FBXL13: variants seen among roughly 807,000 people sequenced by gnomAD.
The protein encoded by FBXL13 is F-box and leucine rich repeat protein 13.
FBXL13 carries 67 observed loss-of-function variants against 83.6 expected under a neutral mutation model. The ratio of observed to expected loss-of-function variants is 0.80; its 90% CI spans 0.66 to 0.98. The LOEUF is 0.98. Ranked by LOEUF, FBXL13 falls within the 50% of genes least tolerant of loss-of-function variation. FBXL13 has a pLI of 0.00. For synonymous variants in FBXL13, 272 were observed against 299.5 expected (o/e 0.91, Z 0.95); for missense variants, 822 against 866.5 (o/e 0.95, Z 0.64).
chr7:103,074,642 C>G, upstream of FBXL13: 1 of 1,274,232 alleles, frequency 7.8e-7, no homozygotes, highest in Middle Eastern at 2.1e-4. Flanking sequence ...CTGACTCCTC[C>G]CCCTTCTAAC....
chr7:102,917,003 T>C (rs1382106548), intron 10 of FBXL13, among the ~76,000 whole-genome samples: 1 of 152,148 alleles, frequency 6.6e-6, no homozygotes, highest in Non-Finnish European at 1.5e-5. Context: ...AAAGTATGTA[T>C]TTAAATAAAA....
At chr7:102,883,504 A>T in intron 13 of FBXL13, 37 bp from the exon 15 acceptor site, 1 of 1,595,768 alleles carries the variant, frequency 6.3e-7, no homozygotes, top group Non-Finnish European at 8.6e-7. Flanking sequence ...CAAGTATTGT[A>T]TTTAGAATGC....
At chr7:102,927,284 G>A (rs1172446101) in intron 9 of FBXL13, among the ~76,000 whole-genome samples, 2 of 152,160 alleles carry the variant, frequency 1.3e-5, no homozygotes, top group African/African-American at 4.8e-5. Context: ...TATTAGTGGT[G>A]CATGCAATGT....
At chr7:103,064,283 G>A (rs1585631339) in intron 1 of FBXL13, among the ~76,000 whole-genome samples, 1 of 152,228 alleles carries the variant, frequency 6.6e-6, no homozygotes, top group East Asian at 1.9e-4. Flanking sequence ...TGCACCGGTT[G>A]TTGCAAGCCA....
At chr7:102,831,510 C>T (rs1177302978) in intron 18 of FBXL13, among the ~76,000 whole-genome samples, 3 of 151,896 alleles carry the variant, frequency 2.0e-5, no homozygotes, top group Non-Finnish European at 2.9e-5. Flanking sequence ...AATAAATCTC[C>T]AGGCTTCTGT....
At chr7:102,944,239 G>C in intron 8 of FBXL13, 1 of 1,610,726 alleles carries the variant, frequency 6.2e-7, no homozygotes, top group Non-Finnish European at 8.5e-7. Flanking sequence ...ACATTTAGAA[G>C]AATTAGATTT....
rs116148908 is a variant in FBXL13, at chr7:102,935,079, T to G, written c.725-3146A>C. On this transcript the variant is annotated intron_variant, in intron 8 of 19. Transcript: ENST00000313221. The stretch of plus-strand genomic sequence containing the variant: ...CACCGATTAAAGCCAAAACATGGTG[T>G]GCATCTGTGAGAAGATCACCTCAAA... Among the ~76,000 whole-genome samples, 568 of 152,238 alleles carry G rather than the reference T, an allele frequency of 3.7e-3. 5 individuals are homozygous for G. Among genetic ancestry groups the G allele is most frequent in the African/African-American group, 0.014 (561 of 41,538 alleles).
chr7:102,848,941 A>C (rs1804676081), intron 17 of FBXL13, among the ~76,000 whole-genome samples: 1 of 152,152 alleles, frequency 6.6e-6, no homozygotes, highest in Admixed American at 6.5e-5. Context: ...CGGAGGTTGC[A>C]GTGAGTCGAG....
At chr7:103,064,954 T>C (rs909292977) in intron 1 of FBXL13, among the ~76,000 whole-genome samples, 1 of 152,196 alleles carries the variant, frequency 6.6e-6, no homozygotes, top group Non-Finnish European at 1.5e-5. Flanking sequence ...CAAAAGAAGA[T>C]ATCATCTTAA....
intron 6 of FBXL13, among the ~76,000 whole-genome samples, chr7:103,012,299 C>G (rs752074461): frequency 1.3e-5 from 2 of 150,888 alleles, no homozygotes; most frequent in African/African-American, 4.9e-5. Context: ...CGCTTGAACC[C>G]AGGAGGCGGA....
intron 6 of FBXL13, among the ~76,000 whole-genome samples, chr7:103,001,635 G>A (rs1403302481): frequency 6.6e-6 from 1 of 152,222 alleles, no homozygotes; most frequent in East Asian, 1.9e-4. Flanking sequence ...CAGGCAGAAG[G>A]AGGTGGGATA....
chr7:102,831,768 T>C (rs1195236155), intron 18 of FBXL13, among the ~76,000 whole-genome samples: 1 of 152,162 alleles, frequency 6.6e-6, no homozygotes, highest in Non-Finnish European at 1.5e-5. Flanking sequence ...GTCCATCTAT[T>C]TTCAAGCTTC....
chr7:102,839,881 T>C (rs1033979300), intron 17 of FBXL13, among the ~76,000 whole-genome samples: 1 of 152,022 alleles, frequency 6.6e-6, no homozygotes, highest in Non-Finnish European at 1.5e-5. Context: ...AAAAAATAAA[T>C]CTGACATTTC....
intron 16 of FBXL13, among the ~76,000 whole-genome samples, chr7:102,870,761 T>C (rs891862660): frequency 2.0e-5 from 3 of 151,986 alleles, no homozygotes; most frequent in Non-Finnish European, 4.4e-5. Context: ...CTTTCAAATT[T>C]TGGTCATAGC....
At chr7:103,005,192 A>G (rs186865884) in intron 6 of FBXL13, among the ~76,000 whole-genome samples, 7 of 152,382 alleles carry the variant, frequency 4.6e-5, no homozygotes, top group African/African-American at 1.4e-4. Flanking sequence ...CAGAAATTAA[A>G]TAAAAGCATC....
chr7:102,834,886 G>A (rs983136294), intron 17 of FBXL13, among the ~76,000 whole-genome samples: 1 of 142,512 alleles, frequency 7.0e-6, no homozygotes, highest in Non-Finnish European at 1.5e-5. Context: ...CAATGTGTGT[G>A]TGTGTGTGTG....
intron 18 of FBXL13, among the ~76,000 whole-genome samples, chr7:102,831,432 C>A (rs62484941): frequency 6.9e-6 from 1 of 145,700 alleles, no homozygotes; most frequent in South Asian, 2.1e-4. Context: ...CACACACACA[C>A]CCCACTACAG....
Position 102,883,587 on chromosome 7 carries a change from GAGTTTAC to G in FBXL13, c.1199_1205del (p.Cys400SerfsTer20), listed in dbSNP as rs1288776210. 5 of 1,609,642 alleles carry G rather than the reference GAGTTTAC, an allele frequency of 3.1e-6. No homozygotes were observed. Among genetic ancestry groups the G allele is most frequent in the African/African-American group, 1.3e-5 (1 of 74,778 alleles). On this transcript the variant is annotated frameshift_variant, in exon 13 of 20. Coordinates refer to ENST00000313221, the Ensembl canonical transcript of FBXL13. LOFTEE classifies it high-confidence loss of function. The stretch of plus-strand genomic sequence containing the variant: ...ACAGACCTTCAAATCGGATCTTTCT[GAGTTTAC>G]AAGCAGAAAGAGCTCTGAAAGTACA...
chr7:102,841,935 C>A (rs1803010130), intron 17 of FBXL13, among the ~76,000 whole-genome samples: 1 of 152,132 alleles, frequency 6.6e-6, no homozygotes, highest in African/African-American at 2.4e-5. Flanking sequence ...CACAAGCTAC[C>A]AGATATCCCC....
Sources: allele counts gnomAD v4.1 joint callset (sites outside exome capture counted in the v4.1 genomes callset), GRCh38; gene constraint gnomAD v4.1.1; transcripts MANE v1.5; gene names NCBI Gene and HGNC (gene_info 2026-07-23, HGNC 2026-07-21).